TTC6: variants seen among roughly 807,000 people sequenced by gnomAD.
TTC6 encodes the protein tetratricopeptide repeat domain 6.
A neutral mutation model predicts 210.4 loss-of-function variants in TTC6; 172 were observed. The ratio of observed to expected loss-of-function variants is 0.82; its 90% CI spans 0.72 to 0.93. The LOEUF is 0.93. Among genes scored for constraint, TTC6 ranks in the 40% least tolerant of loss-of-function variants. The probability of loss-of-function intolerance (pLI) is 0.00; values close to 1 mark genes in which losing one functional copy is unlikely to be tolerated. For synonymous variants in TTC6, 804 were observed against 819.6 expected (o/e 0.98, Z 0.32); for missense variants, 2,414 against 2,318.1 (o/e 1.04, Z -0.85).
At chr14:37,651,390 TATATATATA>T (rs2095710930) in intron 1 of TTC6, among the ~76,000 whole-genome samples, 1 of 18,682 alleles carries the variant, frequency 5.4e-5, no homozygotes, top group Non-Finnish European at 9.2e-5. Context: ...GTTTATGTTA[TATATATATA>T]TATATATATA....
At chr14:37,740,861 G>A (rs557408351) in intron 10 of TTC6, among the ~76,000 whole-genome samples, 10 of 152,270 alleles carry the variant, frequency 6.6e-5, no homozygotes, top group Admixed American at 3.9e-4. Context: ...CCTGGAAAGG[G>A]TAATGCACAC....
intron 9 of TTC6, 61 bp from the exon 12 acceptor site, chr14:37,738,715 T>G: frequency 7.7e-7 from 1 of 1,300,842 alleles, no homozygotes; most frequent in South Asian, 1.8e-5. Flanking sequence ...TTAATTAATT[T>G]TGAATGCATA....
chr14:37,646,712 G>T (rs1422902804), intron 1 of TTC6, among the ~76,000 whole-genome samples: 1 of 152,006 alleles, frequency 6.6e-6, no homozygotes, highest in Non-Finnish European at 1.5e-5. Flanking sequence ...AATTATGATT[G>T]GTTCTAAATT....
At chr14:37,691,017 A>ACATTTTC (rs1304197778) in intron 3 of TTC6, among the ~76,000 whole-genome samples, 1 of 152,042 alleles carries the variant, frequency 6.6e-6, no homozygotes. Flanking sequence ...CCAATATTAA[A>ACATTTTC]CATTTTCTCT....
At chr14:37,622,732 A>T (rs760542682) in exon 1 of TTC6, 2 of 1,535,028 alleles carry the variant, frequency 1.3e-6, no homozygotes, top group South Asian at 2.4e-5. Context: ...GGGCGGAGGA[A>T]AGTGAGGATC....
At chr14:37,610,992 G>T (rs1051794491) in intron 2 of TTC6, among the ~76,000 whole-genome samples, 4 of 152,196 alleles carry the variant, frequency 2.6e-5, no homozygotes, top group Non-Finnish European at 4.4e-5. Context: ...GTTAAGCTCC[G>T]CAAAAGCTGC....
At chr14:37,673,002 A>G (rs1175376012) in intron 1 of TTC6, among the ~76,000 whole-genome samples, 2 of 152,134 alleles carry the variant, frequency 1.3e-5, no homozygotes, top group African/African-American at 4.8e-5. Context: ...CTTTGCATAA[A>G]AGATGCTATA....
intron 1 of TTC6, among the ~76,000 whole-genome samples, chr14:37,652,847 C>T (rs752089464): frequency 5.3e-5 from 8 of 152,176 alleles, no homozygotes; most frequent in Non-Finnish European, 1.0e-4. Context: ...CCCAACATAG[C>T]TAATTATAAT....
intron 14 of TTC6, among the ~76,000 whole-genome samples, chr14:37,758,410 T>A (rs142092322): frequency 4.4e-4 from 67 of 152,358 alleles, no homozygotes; most frequent in African/African-American, 1.5e-3. Flanking sequence ...TAGCTCTTCT[T>A]GTTGAAGTGA....
At position 37,734,017 on chromosome 14, in the gene TTC6, CCTGT is replaced by C. The variant is rs1208244316; in HGVS notation, c.1819-1897_1819-1894del. On this transcript the variant is annotated intron_variant, in intron 7 of 30. Transcript: ENST00000553443. ...TTATGGTGTTTTGTTTCTTTGTATA[CCTGT>C]CTGTCTTTGAATGTTTGCTTACCAT... is the stretch of plus-strand genomic sequence containing the variant. Among the ~76,000 whole-genome samples, 19 of 151,962 alleles carry C rather than the reference CCTGT, an allele frequency of 1.3e-4. 1 individual carries two copies. The highest frequency in any genetic ancestry group is 2.0e-4 in the Admixed American group (3 of 15,246).
At chr14:37,751,897 C>A (rs1182974149) in intron 13 of TTC6, among the ~76,000 whole-genome samples, 1 of 148,038 alleles carries the variant, frequency 6.8e-6, no homozygotes, top group Non-Finnish European at 1.5e-5. Context: ...GATCTCGGCT[C>A]ACTGCAAGCT....
intron 1 of TTC6, 49 bp downstream of exon 3, chr14:37,623,052 T>A: frequency 7.7e-7 from 1 of 1,299,540 alleles, no homozygotes; most frequent in Non-Finnish European, 1.0e-6. Flanking sequence ...GCAATTTGGG[T>A]TACATTACAT....
chr14:37,822,444 G>GA (rs1330380718), intron 26 of TTC6, among the ~76,000 whole-genome samples: 1 of 152,080 alleles, frequency 6.6e-6, no homozygotes, highest in African/African-American at 2.4e-5. Context: ...TTTTATAAAG[G>GA]AAAAATGGGC....
At chr14:37,692,029 C>A (rs2095804413) in intron 3 of TTC6, among the ~76,000 whole-genome samples, 1 of 151,144 alleles carries the variant, frequency 6.6e-6, no homozygotes, top group South Asian at 2.1e-4. Context: ...AGATCAAATC[C>A]ATAATAAAAA....
At chr14:37,782,149 T>C (rs549341548) in intron 14 of TTC6, among the ~76,000 whole-genome samples, 19 of 152,316 alleles carry the variant, frequency 1.2e-4, no homozygotes, top group African/African-American at 4.1e-4. Context: ...AGTAGTTTTT[T>C]TTAGTTCTTT....
exon 4 of TTC6, chr14:37,696,752 A>G: frequency 1.4e-6 from 2 of 1,471,926 alleles, no homozygotes; most frequent in Admixed American, 2.3e-5. Context: ...TCGAAGGAAA[A>G]GAAATTAAGC....
At chr14:37,783,124 G>A (rs369722712) in intron 14 of TTC6, among the ~76,000 whole-genome samples, 1 of 152,184 alleles carries the variant, frequency 6.6e-6, no homozygotes, top group Admixed American at 6.5e-5. Context: ...GCTTTGGTAT[G>A]AGGATGATGC....
At chr14:37,628,560 T>G (rs2095664271) in intron 1 of TTC6, among the ~76,000 whole-genome samples, 1 of 152,182 alleles carries the variant, frequency 6.6e-6, no homozygotes, top group Non-Finnish European at 1.5e-5. Flanking sequence ...ATAGGTTGCC[T>G]GTTCTTTCTG....
chr14:37,726,367 A>T (rs777696114), intron 7 of TTC6, among the ~76,000 whole-genome samples: 1 of 152,314 alleles, frequency 6.6e-6, no homozygotes, highest in Non-Finnish European at 1.5e-5. Flanking sequence ...GCTTTCCTGC[A>T]ACCAAGGCAT....
Sources: allele counts gnomAD v4.1 joint callset (sites outside exome capture counted in the v4.1 genomes callset), GRCh38; gene constraint gnomAD v4.1.1; transcripts MANE v1.5; gene names NCBI Gene and HGNC (gene_info 2026-07-23, HGNC 2026-07-21).